Variants in SV2C observed in about 807,000 individuals in gnomAD.
The protein encoded by SV2C is solute carrier family 22 member B3.
SV2C carries 49 observed loss-of-function variants against 79.7 expected under a neutral mutation model. The observed-to-expected ratio is 0.61, with a 90% CI of 0.49 to 0.78. The LOEUF is 0.78. Ranked by LOEUF, SV2C falls within the 30% of genes least tolerant of loss-of-function variation. The pLI is 0.00. For missense variants in SV2C, 833 were observed against 912.9 expected (o/e 0.91, Z 1.13); for synonymous variants, 334 against 333.2 (o/e 1.00, Z -0.03).
chr5:76,347,376 A>G (rs1373015610), intron 12 of SV2C, among the ~76,000 whole-genome samples: 2 of 152,234 alleles, frequency 1.3e-5, no homozygotes, highest in African/African-American at 4.8e-5. Context: ...CTCGATCTTA[A>G]AGGGAGATCT....
the SV2C span, among the ~76,000 whole-genome samples, chr5:75,857,223 C>T: frequency 6.6e-6 from 1 of 152,138 alleles, no homozygotes; most frequent in Non-Finnish European, 1.5e-5. Context: ...TCCCAAAGTG[C>T]TGGGATTACA....
the SV2C span, among the ~76,000 whole-genome samples, chr5:75,883,314 C>T: frequency 7.0e-6 from 1 of 143,322 alleles, no homozygotes; most frequent in Non-Finnish European, 1.5e-5. Context: ...CTAGAAATAC[C>T]ATTTGACCCA....
chr5:76,312,029 T>C (rs1748459691), intron 12 of SV2C, among the ~76,000 whole-genome samples: 2 of 152,220 alleles, frequency 1.3e-5, no homozygotes, highest in Admixed American at 6.5e-5. Flanking sequence ...ATTTTTTCCA[T>C]CCATCAGGGT....
Position 76,132,107 on chromosome 5 carries a change from C to G in SV2C, c.357C>G (p.Asp119Glu). 1.9e-6 allele frequency: 3 copies of G among 1,613,686 alleles called. No individual in the cohort carries two copies. Among genetic ancestry groups the G allele is most frequent in the Non-Finnish European group, 2.5e-6 (3 of 1,179,798 alleles). The change falls in exon 2 of 13, where the codon GAC becomes GAG. Residue 119 changes from aspartate to glutamate, a missense_variant. Transcript: ENST00000502798. The stretch of plus-strand genomic sequence containing the variant: ...AGCCCAAGGGCGATGAGTACAAGGA[C>G]CGGCGGGAGCTGGAATCAGAAAGGA... ...VGQPKGDEYK[D>E]RRELESERRA...
chr5:76,174,304 C>A (rs1580329730), intron 2 of SV2C: 2 of 911,428 alleles, frequency 2.2e-6, no homozygotes, highest in Non-Finnish European at 1.7e-6. Context: ...GCGGTCCTGC[C>A]GCTGCCGCGC....
chr5:76,016,536 C>T, the SV2C span, among the ~76,000 whole-genome samples: 1 of 152,164 alleles, frequency 6.6e-6, no homozygotes, highest in Non-Finnish European at 1.5e-5. Flanking sequence ...CTCTCAGTAT[C>T]TTACTATCTC....
chr5:75,991,572 T>G, the SV2C span, among the ~76,000 whole-genome samples: 4 of 145,128 alleles, frequency 2.8e-5, no homozygotes, highest in African/African-American at 1.1e-4. Context: ...GCAAGATATA[T>G]ATATATATAT....
chr5:76,126,511 G>A (rs1398000227), intron 1 of SV2C, among the ~76,000 whole-genome samples: 1 of 152,158 alleles, frequency 6.6e-6, no homozygotes, highest in South Asian at 2.1e-4. Context: ...GGAGTCCTTT[G>A]TAGCCCAGCA....
the SV2C span, among the ~76,000 whole-genome samples, chr5:75,897,294 T>A: frequency 6.0e-4 from 91 of 151,824 alleles, no homozygotes; most frequent in Admixed American, 1.1e-3. Context: ...ATGGCTAGCC[T>A]GTTTTCCCAG....
the SV2C span, among the ~76,000 whole-genome samples, chr5:76,077,830 C>A: frequency 3.7e-4 from 57 of 152,218 alleles, no homozygotes; most frequent in Admixed American, 7.8e-4. Context: ...AGGACCCCAC[C>A]AATAGAACCT....
chr5:76,122,403 C>G (rs1354127249), intron 1 of SV2C, among the ~76,000 whole-genome samples: 1 of 151,668 alleles, frequency 6.6e-6, no homozygotes, highest in Non-Finnish European at 1.5e-5. Flanking sequence ...ACTTCCAACA[C>G]TATGTTGAAT....
chr5:76,284,752 A>C (rs916270020), intron 4 of SV2C, among the ~76,000 whole-genome samples: 12 of 152,236 alleles, frequency 7.9e-5, no homozygotes, highest in African/African-American at 2.9e-4. Flanking sequence ...GCTACAAGCC[A>C]GTGGGCAAGG....
intron 12 of SV2C, among the ~76,000 whole-genome samples, chr5:76,349,603 G>GA (rs750134940): frequency 2.2e-4 from 33 of 151,372 alleles, no homozygotes; most frequent in Non-Finnish European, 4.0e-4. Context: ...TGACTGACTA[G>GA]AAAAAATCCT....
At chr5:76,299,060 A>G in intron 10 of SV2C, 133 bp downstream of exon 10, 1 of 1,099,316 alleles carries the variant, frequency 9.1e-7, no homozygotes, top group African/African-American at 1.6e-5. Context: ...AGTTCTCTAA[A>G]TCAGGTTGGA....
At chr5:75,875,540 G>A in the SV2C span, among the ~76,000 whole-genome samples, 51 of 152,180 alleles carry the variant, frequency 3.4e-4, no homozygotes, top group African/African-American at 1.2e-3. Flanking sequence ...TCATGACAAA[G>A]ATACCAAAAG....
chr5:76,199,218 A>C (rs1221551162), intron 3 of SV2C, among the ~76,000 whole-genome samples: 1 of 152,212 alleles, frequency 6.6e-6, no homozygotes, highest in Non-Finnish European at 1.5e-5. Flanking sequence ...ACCTTAAATA[A>C]AAGACCATGT....
At chr5:76,036,937 C>T in the SV2C span, among the ~76,000 whole-genome samples, 1 of 152,162 alleles carries the variant, frequency 6.6e-6, no homozygotes, top group East Asian at 1.9e-4. Context: ...GGAGGCTTTG[C>T]TCGTTTCTTT....
Position 76,301,403 on chromosome 5 carries a change from T to G in SV2C, c.1858T>G (p.Ser620Ala), listed in dbSNP as rs754870042. ...LTMLGGSMVL[S>A]GISCFFLWFG... Reference sequence around the variant, plus strand: ...GTTGGCAGGTGGCTCTATGGTGCTTTCGGGGATCAGCTGTTTCTTCCTTTG... The same window carrying G: ...GTTGGCAGGTGGCTCTATGGTGCTTGCGGGGATCAGCTGTTTCTTCCTTTG... The change falls in exon 12 of 13, where the codon TCG (serine) becomes GCG (alanine). Residue 620 changes from serine (S) to alanine (A), a missense_variant. By Grantham distance (99) the Ser-to-Ala change is moderately conservative. Coordinates refer to ENST00000502798, the MANE Select transcript of SV2C (RefSeq NM_014979.4). 6.2e-7 allele frequency: 1 copy of G among 1,614,016 alleles called. No homozygotes were observed. The highest frequency in any genetic ancestry group is 8.5e-7 in the Non-Finnish European group (1 of 1,179,986).
At chr5:76,120,537 T>C (rs1207482713) in intron 1 of SV2C, among the ~76,000 whole-genome samples, 1 of 104,382 alleles carries the variant, frequency 9.6e-6, no homozygotes, top group Non-Finnish European at 1.8e-5. Context: ...CCCACAACAG[T>C]CCCCAGTGTG....
Sources: allele counts gnomAD v4.1 joint callset (sites outside exome capture counted in the v4.1 genomes callset), GRCh38; gene constraint gnomAD v4.1.1; transcripts MANE v1.5; gene names NCBI Gene and HGNC (gene_info 2026-07-23, HGNC 2026-07-21).